Variants in HS1BP3 observed in about 807,000 individuals in gnomAD.
HS1BP3 encodes the protein HCLS1-binding protein 3.
A neutral mutation model predicts 33.5 loss-of-function variants in HS1BP3; 32 were observed. The ratio of observed to expected loss-of-function variants is 0.95; its 90% CI spans 0.72 to 1.28. The LOEUF is 1.28. HS1BP3 is among the 50% of genes most tolerant of loss of function. The probability of loss-of-function intolerance (pLI) is 0.00; values close to 1 mark genes in which losing one functional copy is unlikely to be tolerated. For synonymous variants in HS1BP3, 187 were observed against 209.2 expected, an observed-to-expected ratio of 0.89 and a Z score of 0.92; for missense variants, 486 against 502.3, an observed-to-expected ratio of 0.97 and a Z score of 0.31.
At chr2:20,610,947 G>GC (rs1255346174) in intron 2 of HS1BP3, among the ~76,000 whole-genome samples, 3 of 152,180 alleles carry the variant, frequency 2.0e-5, no homozygotes, top group Admixed American at 6.5e-5. Context: ...GCCCCTTGCA[G>GC]CCAACCACTC....
At chr2:20,608,153 C>T (rs962370424) in intron 2 of HS1BP3, among the ~76,000 whole-genome samples, 4 of 152,104 alleles carry the variant, frequency 2.6e-5, no homozygotes, top group Non-Finnish European at 5.9e-5. Flanking sequence ...TCTTTAGTAT[C>T]AGCTACATGT....
intron 6 of HS1BP3, among the ~76,000 whole-genome samples, chr2:20,621,884 A>G (rs895567610): frequency 3.3e-5 from 5 of 152,220 alleles, no homozygotes; most frequent in African/African-American, 1.2e-4. Context: ...AGTCATGACT[A>G]GGACTAGCTC....
At chr2:20,609,135 T>C (rs994314456) in intron 2 of HS1BP3, among the ~76,000 whole-genome samples, 7 of 152,226 alleles carry the variant, frequency 4.6e-5, no homozygotes, top group Admixed American at 3.9e-4. Flanking sequence ...TCTGTGGCTC[T>C]CCACCCATGG....
chr2:20,599,763 T>C (rs76143352), intron 2 of HS1BP3, among the ~76,000 whole-genome samples: 5,844 of 152,184 alleles, frequency 0.038, 155 homozygotes, highest in African/African-American at 0.07. Flanking sequence ...AGGGAGGGAC[T>C]GCCTGATTAG....
chr2:20,567,711 A>G (rs1693170141), intron 5 of HS1BP3, among the ~76,000 whole-genome samples: 1 of 152,198 alleles, frequency 6.6e-6, no homozygotes, highest in African/African-American at 2.4e-5. Context: ...CAGAGGACTG[A>G]CCGCAGGCTA....
At chr2:20,619,497 G>A (rs1019620289) in intron 6 of HS1BP3, among the ~76,000 whole-genome samples, 70 of 152,156 alleles carry the variant, frequency 4.6e-4, no homozygotes, top group African/African-American at 1.5e-3. Context: ...CAGGCCCCAC[G>A]CAGCCTCCTG....
chr2:20,638,322 C>A (rs543874391), intron 4 of HS1BP3, 114 bp downstream of exon 4: 1 of 1,042,010 alleles, frequency 9.6e-7, no homozygotes, highest in Non-Finnish European at 1.4e-6. Flanking sequence ...CAGATCCCTG[C>A]GAGGGGGCGA....
intron 1 of HS1BP3, among the ~76,000 whole-genome samples, chr2:20,646,472 G>A (rs550019087): frequency 1.3e-5 from 2 of 152,310 alleles, no homozygotes; most frequent in Non-Finnish European, 1.5e-5. Flanking sequence ...CACATCCCAC[G>A]CTAGGCCACG....
At chr2:20,564,435 C>T (rs1199315144) in intron 5 of HS1BP3, among the ~76,000 whole-genome samples, 1 of 152,194 alleles carries the variant, frequency 6.6e-6, no homozygotes, top group Non-Finnish European at 1.5e-5. Flanking sequence ...CTCCTTGTCA[C>T]TTTATTCTTT....
intron 4 of HS1BP3, among the ~76,000 whole-genome samples, chr2:20,631,797 T>A (rs1558344504): frequency 6.6e-6 from 1 of 152,018 alleles, no homozygotes; most frequent in Non-Finnish European, 1.5e-5. Context: ...GGGAACCACG[T>A]GGGTCCCAGC....
At chr2:20,642,394 A>G (rs1194400521) in intron 2 of HS1BP3, among the ~76,000 whole-genome samples, 1 of 152,172 alleles carries the variant, frequency 6.6e-6, no homozygotes, top group African/African-American at 2.4e-5. Flanking sequence ...GTGGGGAGTC[A>G]CCTGGGACAG....
At chr2:20,640,907 G>T in intron 3 of HS1BP3, 66 bp downstream of exon 3, 1 of 1,502,200 alleles carries the variant, frequency 6.7e-7, no homozygotes, top group Non-Finnish European at 9.3e-7. Flanking sequence ...TCCCACTGGG[G>T]CACGGCAGCG....
At chr2:20,612,301 A>G (rs1003523881) in intron 2 of HS1BP3, among the ~76,000 whole-genome samples, 4 of 152,214 alleles carry the variant, frequency 2.6e-5, no homozygotes, top group Admixed American at 6.5e-5. Context: ...CAATCATTAA[A>G]TTATCCTAAC....
intron 4 of HS1BP3, chr2:20,638,014 C>T (rs2149300199): frequency 3.4e-6 from 1 of 290,158 alleles, no homozygotes; most frequent in Non-Finnish European, 6.4e-6. Flanking sequence ...GGAGGCAGGG[C>T]CAAGGTGAAT....
At chr2:20,595,789 G>A (rs75294547) in intron 3 of HS1BP3, among the ~76,000 whole-genome samples, 82 of 152,378 alleles carry the variant, frequency 5.4e-4, no homozygotes, top group African/African-American at 1.8e-3. Context: ...GAAGTGGGCA[G>A]AGGTGATGGT....
chr2:20,597,723 CTA>C (rs1444077892), intron 3 of HS1BP3, among the ~76,000 whole-genome samples: 1 of 152,058 alleles, frequency 6.6e-6, no homozygotes, highest in African/African-American at 2.4e-5. Flanking sequence ...AATATGGTAT[CTA>C]TGCATTTATT....
At chr2:20,582,886 G>A (rs1197260822) in intron 5 of HS1BP3, among the ~76,000 whole-genome samples, 1 of 152,128 alleles carries the variant, frequency 6.6e-6, no homozygotes, top group African/African-American at 2.4e-5. Context: ...TTTTGGCAGG[G>A]TCAGAGCCTC....
At chr2:20,558,724 C>G (rs1692900483), downstream of HS1BP3, among the ~76,000 whole-genome samples, 1 of 152,184 alleles carries the variant, frequency 6.6e-6, no homozygotes, top group South Asian at 2.1e-4. Context: ...AGCAGATGCC[C>G]CTGCAGTGGT....
At chr2:20,576,162 G>A (rs977692442) in intron 5 of HS1BP3, among the ~76,000 whole-genome samples, 7 of 152,114 alleles carry the variant, frequency 4.6e-5, no homozygotes, top group South Asian at 2.1e-4. Flanking sequence ...TTTAGTTTTT[G>A]TAGAGATAGG....
Sources: allele counts gnomAD v4.1 joint callset (sites outside exome capture counted in the v4.1 genomes callset), GRCh38; gene constraint gnomAD v4.1.1; transcripts MANE v1.5; gene names NCBI Gene and HGNC (gene_info 2026-07-23, HGNC 2026-07-21).